UTP4: variants seen among roughly 807,000 people sequenced by gnomAD.
UTP4 encodes UTP4 small subunit processome component.
In UTP4, 45 loss-of-function variants were observed where a neutral mutation model predicts 82.4. The ratio of observed to expected loss-of-function variants is 0.55; its 90% CI spans 0.43 to 0.70. The LOEUF (loss-of-function observed/expected upper bound fraction) is 0.70, where lower values mean the gene tolerates loss of function less well. Among genes scored for constraint, UTP4 ranks in the 30% least tolerant of loss-of-function variants. The pLI is 0.00. For missense variants in UTP4, 819 were observed against 858.3 expected, an observed-to-expected ratio of 0.95 and a Z score of 0.57; for synonymous variants, 348 against 300.3, an observed-to-expected ratio of 1.16 and a Z score of -1.64.
In UTP4 at chr16:69,136,750, C is replaced by G. The variant is rs1294665881; in HGVS notation, c.214C>G (p.Gln72Glu). Reference protein sequence around the residue: ...ATEALCWAEGQRLFSAGLNGE... With the variant: ...ATEALCWAEGERLFSAGLNGE... ...AGAAGCTTTGTGCTGGGCAGAAGGA[C>G]AGCGACTCTTTAGTGCTGGGCTCAA... Residue 72 changes from glutamine to glutamate, a missense_variant, in exon 3 of 17, where the codon CAG becomes GAG. By Grantham distance (29) the Gln-to-Glu change is conservative. Transcript: ENST00000314423. 1.9e-6 allele frequency: 3 copies of G among 1,613,958 alleles called. No individual in the cohort carries two copies. The highest frequency in any genetic ancestry group is 3.3e-5 in the Admixed American group (2 of 59,992).
At chr16:69,156,535 C>G (rs1349727703) in intron 11 of UTP4, among the ~76,000 whole-genome samples, 1 of 151,720 alleles carries the variant, frequency 6.6e-6, no homozygotes, top group South Asian at 2.1e-4. Flanking sequence ...CTCAGCTCAC[C>G]GCAATCTCTG....
At chr16:69,160,507 AGCCAGTTCACCCT>A in intron 13 of UTP4, 45 bp downstream of exon 13, 8 of 1,396,404 alleles carry the variant, frequency 5.7e-6, no homozygotes, top group Non-Finnish European at 8.2e-6. Context: ...ATTGTACAGG[AGCCAGTTCACCCT>A]GCAGTTACAA....
At position 69,138,575 on chromosome 16, in the gene UTP4, A is replaced by G. The variant is rs552709746; in HGVS notation, c.436+690A>G. Among the ~76,000 whole-genome samples the G allele has an allele frequency of 3.3e-5, 5 of 152,276 alleles. No individual in the cohort carries two copies. The East Asian group carries it at 7.7e-4, about 23-fold the overall frequency. On this transcript the variant is annotated intron_variant, in intron 4 of 16. Coordinates refer to ENST00000314423, the MANE Select transcript of UTP4 (RefSeq NM_032830.3). ...GTTCTTAATCCTTCTGGTGCATTCA[A>G]GTTGAATGAGGGAGTTTATAAACAG...
intron 13 of UTP4, among the ~76,000 whole-genome samples, chr16:69,161,605 C>T (rs1452237708): frequency 1.3e-5 from 2 of 152,198 alleles, no homozygotes; most frequent in Non-Finnish European, 2.9e-5. Flanking sequence ...TGGATTTACT[C>T]AGAGGGAAAG....
At chr16:69,162,901 AAAAG>A (rs1963600021) in intron 13 of UTP4, among the ~76,000 whole-genome samples, 178 bp from the exon 14 acceptor site, 1 of 152,008 alleles carries the variant, frequency 6.6e-6, no homozygotes, top group Non-Finnish European at 1.5e-5. Context: ...AAAAAAAAAA[AAAAG>A]AGAAGAAAAA....
intron 9 of UTP4, 136 bp from the exon 10 acceptor site, chr16:69,154,257 T>C: frequency 1.4e-6 from 1 of 696,502 alleles, no homozygotes; most frequent in Non-Finnish European, 2.5e-6. Context: ...AATTGTGAGC[T>C]TACTCAGTGA....
At position 69,157,076 on chromosome 16, in the gene UTP4, ACCCAAAGGTTT is replaced by A; in HGVS notation, c.1288-5_1293del. On this transcript the variant is annotated splice_acceptor_variant and splice_polypyrimidine_tract_variant and coding_sequence_variant and intron_variant, in exon 12 of 17. Transcript: ENST00000314423. LOFTEE classifies it high-confidence loss of function. ...TCTCACTGGCTTTTATTATTGGTTC[ACCCAAAGGTTT>A]CCAAAATGCCAGCATTCCTTCGCTC... is the stretch of plus-strand genomic sequence containing the variant. 3 of 1,614,126 alleles carry A rather than the reference ACCCAAAGGTTT, an allele frequency of 1.9e-6. No individual in the cohort carries two copies. Among genetic ancestry groups the A allele is most frequent in the Non-Finnish European group, 2.5e-6 (3 of 1,180,012 alleles).
chr16:69,160,606 T>C, intron 13 of UTP4, 144 bp downstream of exon 13: 3 of 684,612 alleles, frequency 4.4e-6, no homozygotes, highest in Non-Finnish European at 7.5e-6. Flanking sequence ...TTCTTTTTTT[T>C]TTTTTTTTGA....
intron 6 of UTP4, among the ~76,000 whole-genome samples, chr16:69,147,100 C>T (rs1031326056): frequency 4.0e-5 from 6 of 149,606 alleles, no homozygotes; most frequent in African/African-American, 1.5e-4. Context: ...TTGCTTGAAC[C>T]CGGGAGATAG....
chr16:69,137,439 A>T (rs892110024), intron 3 of UTP4, among the ~76,000 whole-genome samples: 1 of 152,194 alleles, frequency 6.6e-6, no homozygotes, highest in Non-Finnish European at 1.5e-5. Context: ...CGATATCTGA[A>T]GGTGTTTCCA....
At position 69,143,398 on chromosome 16, in the gene UTP4, A is replaced by G. The variant is rs773211021; in HGVS notation, c.738+9A>G. ...CCATTGCTGTAGCTGACGTGAGTACAGTCCCTGTTTAGAGTGGTTGATGTA... is the reference window on the plus strand; with the variant it reads ...CCATTGCTGTAGCTGACGTGAGTACGGTCCCTGTTTAGAGTGGTTGATGTA... On this transcript the variant is annotated intron_variant, in intron 6 of 16. Transcript: ENST00000314423. The G allele has an allele frequency of 1.7e-5, 27 of 1,613,286 alleles. No homozygotes were observed. Among genetic ancestry groups the G allele is most frequent in the Non-Finnish European group, 2.0e-5 (23 of 1,179,236 alleles).
chr16:69,155,081 TTG>T (rs1963376270), intron 10 of UTP4, among the ~76,000 whole-genome samples: 1 of 152,232 alleles, frequency 6.6e-6, no homozygotes, highest in Non-Finnish European at 1.5e-5. Flanking sequence ...AAAAATCATT[TTG>T]TGAGTTTTTA....
intron 13 of UTP4, 58 bp from the exon 14 acceptor site, chr16:69,163,025 C>T: frequency 7.6e-7 from 1 of 1,319,296 alleles, no homozygotes; most frequent in East Asian, 2.3e-5. Context: ...ACCATTCAAT[C>T]TTTGCTGAGG....
intron 12 of UTP4, 79 bp downstream of exon 12, chr16:69,157,319 G>A (rs1963445666): frequency 4.1e-6 from 6 of 1,450,422 alleles, no homozygotes; most frequent in Non-Finnish European, 5.7e-6. Flanking sequence ...CTCCATGTCG[G>A]GGGTTCCCTC....
chr16:69,153,512 G>T, intron 8 of UTP4, 72 bp from the exon 9 acceptor site: 1 of 1,014,366 alleles, frequency 9.9e-7, no homozygotes, highest in Non-Finnish European at 1.5e-6. Flanking sequence ...CTAAGGTGGT[G>T]CTACTGTATC....
rs373625975 is a variant in UTP4 at position 69,157,220 on chromosome 16, A to G, written c.1424A>G (p.His475Arg). 8.7e-6 allele frequency: 14 copies of G among 1,614,170 alleles called. No homozygotes were observed. Among genetic ancestry groups the G allele is most frequent in the Non-Finnish European group, 1.1e-5 (13 of 1,180,032 alleles). The change falls in exon 12 of 17, where the codon CAT (histidine) becomes CGT (arginine). Residue 475 changes from histidine to arginine, a missense_variant. Coordinates refer to ENST00000314423, the MANE Select transcript of UTP4 (RefSeq NM_032830.3). The part of the protein sequence containing the change: ...QLSGGSFKHL[H>R]AFQPQSGTVE... Reference sequence around the variant, plus strand: ...TCAGGAGGAAGCTTCAAGCACCTGCATGCTTTCCAGCCTCAGTCAGGTGGG... The same window carrying G: ...TCAGGAGGAAGCTTCAAGCACCTGCGTGCTTTCCAGCCTCAGTCAGGTGGG...
Position 69,160,414 on chromosome 16 carries a change from A to C in UTP4, c.1503A>C (p.Ala501=), listed in dbSNP as rs1203360706. ...GTCCAGATGGGAATTGGCTAGCTGC[A>C]TCAGGTACCAGTGCTGGAGTCCATG... The part of the protein sequence containing the change: ...AVSPDGNWLA[A]SGTSAGVHVY... Residue 501 remains alanine, a synonymous_variant, in exon 13 of 17, where the codon GCA becomes GCC. Transcript: ENST00000314423. 3 of 1,614,056 alleles carry C rather than the reference A, an allele frequency of 1.9e-6. No homozygotes were observed. Among genetic ancestry groups the C allele is most frequent in the African/African-American group, 1.3e-5 (1 of 74,920 alleles).
Position 69,145,149 on chromosome 16 carries a change from C to T in UTP4, c.738+1760C>T, listed in dbSNP as rs541552718. Among the ~76,000 whole-genome samples, 39 of 151,062 alleles carry T rather than the reference C, an allele frequency of 2.6e-4. No individual in the cohort carries two copies. The South Asian group carries it at 4.6e-3, about 18-fold the overall frequency. ...AAAAGCAGGACTCCATCTCAAATAA[C>T]AATAATAATAATAATAATAATGATT... On this transcript the variant is annotated intron_variant, in intron 6 of 16. Transcript: ENST00000314423.
At chr16:69,133,343 CA>C in intron 1 of UTP4, 114 bp from the exon 2 acceptor site, 1 of 963,724 alleles carries the variant, frequency 1.0e-6, no homozygotes, top group South Asian at 1.4e-5. Flanking sequence ...AAATGAACTT[CA>C]GGGAGATGTT....
Sources: allele counts gnomAD v4.1 joint callset (sites outside exome capture counted in the v4.1 genomes callset), GRCh38; gene constraint gnomAD v4.1.1; transcripts MANE v1.5; gene names NCBI Gene and HGNC (gene_info 2026-07-23, HGNC 2026-07-21).